The following FBXL17 variants were observed in gnomAD, a reference collection of about 807,000 sequenced individuals.
FBXL17 encodes F-box/LRR-repeat protein 17.
In FBXL17, 22 loss-of-function variants were observed where a neutral mutation model predicts 66.2. The observed-to-expected ratio is 0.33, with a 90% CI of 0.24 to 0.47. The LOEUF is 0.47. Ranked by LOEUF, FBXL17 falls within the 20% of genes least tolerant of loss-of-function variation. FBXL17 has a pLI of 1.00. For missense variants in FBXL17, 878 were observed against 948.2 expected (o/e 0.93, Z 0.97); for synonymous variants, 474 against 400.5 (o/e 1.18, Z -2.19).
chr5:108,045,395 T>G (rs1038760775), intron 6 of FBXL17, among the ~76,000 whole-genome samples: 1 of 152,096 alleles, frequency 6.6e-6, no homozygotes, highest in East Asian at 1.9e-4. Flanking sequence ...TGAGCTCAGA[T>G]CGCACCACTG....
chr5:108,118,494 C>T (rs572930771), intron 6 of FBXL17, among the ~76,000 whole-genome samples: 4 of 152,318 alleles, frequency 2.6e-5, no homozygotes, highest in East Asian at 1.9e-4. Flanking sequence ...CATCCTTGAT[C>T]GCACTTAAGT....
chr5:107,911,610 G>C (rs1274423934), intron 7 of FBXL17, among the ~76,000 whole-genome samples: 1 of 152,074 alleles, frequency 6.6e-6, no homozygotes, highest in Non-Finnish European at 1.5e-5. Context: ...TTATGAAGTT[G>C]TTCCAGACCT....
chr5:108,252,994 C>T (rs1756422015), intron 4 of FBXL17, among the ~76,000 whole-genome samples: 1 of 152,120 alleles, frequency 6.6e-6, no homozygotes. Flanking sequence ...AAAGGATTTA[C>T]GATTCTGTAT....
intron 4 of FBXL17, among the ~76,000 whole-genome samples, chr5:108,227,417 T>C (rs1207019044): frequency 6.6e-6 from 1 of 152,234 alleles, no homozygotes; most frequent in Non-Finnish European, 1.5e-5. Flanking sequence ...TTCCCAAAGA[T>C]GTAGCTTATA....
chr5:108,348,556 T>C (rs755067120), intron 3 of FBXL17, 26 bp from the exon 4 acceptor site: 1 of 1,589,326 alleles, frequency 6.3e-7, no homozygotes, highest in Non-Finnish European at 8.6e-7. Flanking sequence ...TTTAGCTGAA[T>C]GCTCAAAAAA....
chr5:108,096,541 G>T (rs986318894), intron 6 of FBXL17, among the ~76,000 whole-genome samples: 3 of 152,194 alleles, frequency 2.0e-5, no homozygotes, highest in African/African-American at 4.8e-5. Flanking sequence ...CACAGAGAAG[G>T]AGAATATAGT....
At chr5:108,213,346 A>G (rs1375465462) in intron 5 of FBXL17, among the ~76,000 whole-genome samples, 3 of 152,174 alleles carry the variant, frequency 2.0e-5, no homozygotes, top group Admixed American at 2.0e-4. Context: ...GGCATGGAAA[A>G]AAAGAACTCC....
At chr5:108,248,806 C>A (rs1276336905) in intron 4 of FBXL17, among the ~76,000 whole-genome samples, 1 of 151,848 alleles carries the variant, frequency 6.6e-6, no homozygotes, top group Admixed American at 6.6e-5. Flanking sequence ...TTTTCAAGTG[C>A]TAAAAGAAAA....
chr5:108,171,930 C>A (rs1332241827), intron 6 of FBXL17, among the ~76,000 whole-genome samples: 1 of 149,668 alleles, frequency 6.7e-6, no homozygotes, highest in Non-Finnish European at 1.5e-5. Flanking sequence ...GAGTTCCCCG[C>A]AGAAGCTCTC....
chr5:108,363,523 G>A (rs1279930482), intron 3 of FBXL17, among the ~76,000 whole-genome samples: 1 of 151,824 alleles, frequency 6.6e-6, no homozygotes, highest in East Asian at 1.9e-4. Flanking sequence ...AATATCCGAA[G>A]GAAACATCTA....
In FBXL17 at chr5:107,897,231, G is replaced by GA. The variant is rs1236236410; in HGVS notation, c.1823-16053dup. Among the ~76,000 whole-genome samples, 6 of 151,990 alleles carry GA rather than the reference G, an allele frequency of 3.9e-5. No individual in the cohort carries two copies. In the South Asian group the frequency reaches 1.2e-3, roughly 32 times the overall value. On this transcript the variant is annotated intron_variant, in intron 7 of 8. Transcript: ENST00000542267. ...ATGTAGATGAAAGTGCCCTATTCTG[G>GA]AAAAAAATGCCACAAAAAATTTTAT...
At chr5:107,868,282 T>C (rs1289600734) in intron 8 of FBXL17, among the ~76,000 whole-genome samples, 1 of 152,224 alleles carries the variant, frequency 6.6e-6, no homozygotes, top group African/African-American at 2.4e-5. Flanking sequence ...CTGTAAAATG[T>C]TTACTGACAT....
chr5:107,893,764 A>T (rs1345787666), intron 7 of FBXL17, among the ~76,000 whole-genome samples: 3 of 152,174 alleles, frequency 2.0e-5, no homozygotes, highest in Non-Finnish European at 4.4e-5. Context: ...CCTAGGTGGT[A>T]TTTCTTTCTG....
chr5:107,938,448 C>T (rs1750980672), intron 7 of FBXL17, among the ~76,000 whole-genome samples: 1 of 152,020 alleles, frequency 6.6e-6, no homozygotes, highest in Non-Finnish European at 1.5e-5. Context: ...GGTTGTTAGT[C>T]ATTTATCTGT....
chr5:108,149,059 T>C (rs1561434329), intron 6 of FBXL17, among the ~76,000 whole-genome samples: 1 of 152,208 alleles, frequency 6.6e-6, no homozygotes, highest in Non-Finnish European at 1.5e-5. Flanking sequence ...ACAAAGCACA[T>C]GGCAAATGAC....
At chr5:107,982,080 G>A (rs1752851077) in intron 7 of FBXL17, among the ~76,000 whole-genome samples, 1 of 151,796 alleles carries the variant, frequency 6.6e-6, no homozygotes, top group Non-Finnish European at 1.5e-5. Context: ...GCTTAATGAG[G>A]GCAATTTCAT....
intron 6 of FBXL17, among the ~76,000 whole-genome samples, chr5:108,166,614 A>T (rs1351256908): frequency 5.3e-5 from 8 of 152,236 alleles, no homozygotes; most frequent in African/African-American, 1.7e-4. Flanking sequence ...ATATATGAAA[A>T]AAACATGGTA....
chr5:108,062,784 G>GAAGAAGTAACTGCACA (rs1388309832), intron 6 of FBXL17, among the ~76,000 whole-genome samples: 1 of 151,876 alleles, frequency 6.6e-6, no homozygotes, highest in Non-Finnish European at 1.5e-5. Flanking sequence ...CAGAGTATCA[G>GAAGAAGTAACTGCACA]AAGAAGTAAC....
At chr5:107,975,862 T>TG (rs375223836) in intron 7 of FBXL17, among the ~76,000 whole-genome samples, 1 of 145,154 alleles carries the variant, frequency 6.9e-6, no homozygotes, top group East Asian at 2.0e-4. Flanking sequence ...TTGTTGTTTT[T>TG]TTTTTTTTTT....
Sources: gnomAD v4.1 joint callset for allele counts (sites outside exome capture counted in the v4.1 genomes callset) on GRCh38, gnomAD v4.1.1 for gene constraint, MANE v1.5 for transcripts, NCBI Gene and HGNC (gene_info 2026-07-23, HGNC 2026-07-21) for gene names.